Variants in CAPNS1 observed in about 807,000 individuals in gnomAD.
CAPNS1 encodes calpain small subunit 1.
Under a neutral mutation model 39.2 loss-of-function variants are expected in CAPNS1, and 32 were observed. The ratio of observed to expected loss-of-function variants is 0.82; its 90% confidence interval spans 0.62 to 1.10. The LOEUF is 1.10. Among genes scored for constraint, CAPNS1 ranks in the 50% least tolerant of loss-of-function variants. The pLI is 0.00. For missense variants in CAPNS1, 353 were observed against 373.1 expected, an observed-to-expected ratio of 0.95 and a Z score of 0.44; for synonymous variants, 153 against 136.2, an observed-to-expected ratio of 1.12 and a Z score of -0.86.
At chr19:36,141,447 C>G in intron 2 of CAPNS1, 1 of 1,304,712 alleles carries the variant, frequency 7.7e-7, no homozygotes, top group Non-Finnish European at 9.7e-7. Flanking sequence ...TGGGAGTAGT[C>G]TGATTGTGTG....
At chr19:36,147,526 G>A (rs1232364576) in intron 9 of CAPNS1, among the ~76,000 whole-genome samples, 1 of 152,166 alleles carries the variant, frequency 6.6e-6, no homozygotes, top group Non-Finnish European at 1.5e-5. Context: ...CAGCACTTTG[G>A]GAGGCCGAGG....
intron 2 of CAPNS1, 97 bp from the exon 3 acceptor site, chr19:36,142,203 C>T (rs1449497536): frequency 3.7e-6 from 3 of 806,726 alleles, no homozygotes; most frequent in South Asian, 1.3e-5. Flanking sequence ...AGGAAGATAA[C>T]GGCTGGGGTC....
chr19:36,147,881 T>C (rs1273415637), intron 9 of CAPNS1, among the ~76,000 whole-genome samples: 1 of 152,006 alleles, frequency 6.6e-6, no homozygotes, highest in Non-Finnish European at 1.5e-5. Context: ...AAGACCAGCC[T>C]GGCCAACATG....
chr19:36,146,329 C>CAGCTGGGT lies in CAPNS1; in HGVS notation c.721+17_721+18insAGCTGGGT. The CAGCTGGGT allele has an allele frequency of 6.5e-7, 1 of 1,528,592 alleles. No individual in the cohort carries two copies. Among genetic ancestry groups the CAGCTGGGT allele is most frequent in the Non-Finnish European group, 9.1e-7 (1 of 1,102,368 alleles). The allele number at this position is 1,528,592 out of a possible 1,614,324, so 94.7% of individuals were successfully genotyped here. A position where few individuals can be genotyped will look rare whatever the true frequency, so the allele number is the denominator to read the frequency against. ...CCATGTTCCGTGAGTGACAACCCAG[C>CAGCTGGGT]TGTCTTCCTGGGTGGGGATTCCTAT... On this transcript the variant is annotated intron_variant, in intron 9 of 10. Transcript: ENST00000246533.
At chr19:36,141,596 A>G in intron 2 of CAPNS1, 1 of 1,071,074 alleles carries the variant, frequency 9.3e-7, no homozygotes, top group East Asian at 7.0e-5. Flanking sequence ...GTGACATTTT[A>G]CGGAAGGGGC....
intron 2 of CAPNS1, 161 bp downstream of exon 2, chr19:36,141,381 G>A: frequency 1.0e-5 from 14 of 1,345,924 alleles, no homozygotes; most frequent in Non-Finnish European, 1.3e-5. Flanking sequence ...GAGTTCTGCT[G>A]TAAGGGGGTG....
intron 3 of CAPNS1, 107 bp downstream of exon 3, chr19:36,142,440 C>G (rs1974410306): frequency 1.4e-6 from 1 of 707,718 alleles, no homozygotes; most frequent in Non-Finnish European, 2.5e-6. Context: ...TTGTGAAATT[C>G]CTCTGCCAGT....
At chr19:36,143,562 A>T (rs1200554683) in intron 6 of CAPNS1, among the ~76,000 whole-genome samples, 1 of 151,916 alleles carries the variant, frequency 6.6e-6, no homozygotes, top group Non-Finnish European at 1.5e-5. Context: ...CCCCATCTCT[A>T]TTAAAAATAC....
In CAPNS1 at chr19:36,141,113, C is replaced by A; in HGVS notation, c.102C>A (p.Ser34Arg). The change falls in exon 2 of 11, where the codon AGC becomes AGA. Residue 34 changes from serine (S) to arginine (R), a missense_variant. Physicochemically the swap from Ser to Arg is moderately radical, Grantham distance 110. Transcript: ENST00000246533. ...GLGNVLGGLI[S>R]GAGGGGGGGG... ...GAAATGTGCTTGGAGGCCTGATCAG[C>A]GGGGCCGGGGGCGGCGGCGGCGGCG... 7.2e-7 allele frequency: 1 copy of A among 1,385,176 alleles called. No homozygotes were observed. Among genetic ancestry groups the A allele is most frequent in the Non-Finnish European group, 9.4e-7 (1 of 1,068,528 alleles). The allele number at this position is 1,385,176 out of a possible 1,614,324, so 85.8% of individuals were successfully genotyped here.
chr19:36,140,823 A>G (rs1011122355), intron 1 of CAPNS1, 174 bp from the exon 2 acceptor site: 3 of 917,954 alleles, frequency 3.3e-6, no homozygotes, highest in East Asian at 6.5e-5. Context: ...GGAGGTTGCA[A>G]ACCTGATCCC....
chr19:36,145,203 C>CTTTTTTTTTTTT (rs5827950), intron 6 of CAPNS1, among the ~76,000 whole-genome samples: 5 of 118,294 alleles, frequency 4.2e-5, no homozygotes, highest in East Asian at 5.2e-4. Context: ...TTTTCTTTCT[C>CTTTTTTTTTTTT]TTTTTTTTTT....
chr19:36,142,258 C>A, intron 2 of CAPNS1, 42 bp from the exon 3 acceptor site: 1 of 1,441,828 alleles, frequency 6.9e-7, no homozygotes, highest in Non-Finnish European at 9.8e-7. Context: ...CCGTTGGAGG[C>A]CCCGCCCCTG....
chr19:36,149,551 G>T, intron 9 of CAPNS1, 27 bp from the exon 10 acceptor site: 1 of 1,443,960 alleles, frequency 6.9e-7, no homozygotes, highest in South Asian at 1.6e-5. Context: ...CTTCCCTGCC[G>T]CCAAACCTCT....
rs1974340535 is a variant in CAPNS1 at position 36,141,062 on chromosome 19, AGGCGGGGGCCTG to A, written c.54_65del (p.Gly23_Gly26del). 2 of 715,378 alleles carry A rather than the reference AGGCGGGGGCCTG, an allele frequency of 2.8e-6. No homozygotes were observed. Among genetic ancestry groups the A allele is most frequent in the Admixed American group, 6.5e-5 (2 of 30,936 alleles). The allele number at this position is 715,378 out of a possible 1,614,324, so 44.3% of individuals were successfully genotyped here. A position where few individuals can be genotyped will look rare whatever the true frequency, so the allele number is the denominator to read the frequency against. The stretch of plus-strand genomic sequence containing the variant: ...AGGGCGGCGGCGGCGGCGGCGGGGG[AGGCGGGGGCCTG>A]GGTGGGGGCCTGGGAAATGTGCTTG... On this transcript the variant is annotated inframe_deletion, in exon 2 of 11. Transcript: ENST00000246533.
At chr19:36,141,355 G>T in intron 2 of CAPNS1, 135 bp downstream of exon 2, 1 of 1,365,900 alleles carries the variant, frequency 7.3e-7, no homozygotes, top group South Asian at 1.8e-5. Flanking sequence ...AATTAGGCCG[G>T]GGAGGCCTGG....
At chr19:36,141,246 G>A in intron 2 of CAPNS1, 26 bp downstream of exon 2, 1 of 1,511,050 alleles carries the variant, frequency 6.6e-7, no homozygotes, top group Non-Finnish European at 8.8e-7. Flanking sequence ...TCAGAGGGGC[G>A]GGGCCTGGGA....
At chr19:36,149,700 A>T in intron 10 of CAPNS1, 64 bp downstream of exon 10, 1 of 1,594,202 alleles carries the variant, frequency 6.3e-7, no homozygotes. Flanking sequence ...CCTTCATACC[A>T]GCTCTGAGCT....
intron 7 of CAPNS1, 37 bp downstream of exon 7, chr19:36,145,911 C>A (rs564284301): frequency 6.2e-7 from 1 of 1,612,774 alleles, no homozygotes; most frequent in East Asian, 2.2e-5. Context: ...GCACCCAGAC[C>A]CCCAAGCCAT....
At chr19:36,145,506 T>C (rs1974532136) in intron 6 of CAPNS1, 1 of 311,034 alleles carries the variant, frequency 3.2e-6, no homozygotes, top group Non-Finnish European at 6.1e-6. Flanking sequence ...GCGTGGCCTA[T>C]TAAGAATTTT....
Sources: gnomAD v4.1 joint callset for allele counts (sites outside exome capture counted in the v4.1 genomes callset) on GRCh38, gnomAD v4.1.1 for gene constraint, MANE v1.5 for transcripts, NCBI Gene and HGNC (gene_info 2026-07-23, HGNC 2026-07-21) for gene names.